The following ABCB5 variants were observed in gnomAD, a reference collection of about 807,000 sequenced individuals.
The protein encoded by ABCB5 is ATP-binding cassette sub-family B member 5.
ABCB5 carries 155 observed loss-of-function variants against 144.2 expected under a neutral mutation model. The ratio of observed to expected loss-of-function variants is 1.08; its 90% CI spans 0.94 to 1.23. ABCB5 has a LOEUF of 1.23. Ranked by LOEUF, ABCB5 falls within the 50% of genes most tolerant of loss-of-function variation. The probability of loss-of-function intolerance (pLI) is 0.00; values close to 1 mark genes in which losing one functional copy is unlikely to be tolerated. For synonymous variants in ABCB5, 610 were observed against 528.6 expected, an observed-to-expected ratio of 1.15 and a Z score of -2.11; for missense variants, 1,830 against 1,520.8, an observed-to-expected ratio of 1.20 and a Z score of -3.38.
intron 14 of ABCB5, 40 bp downstream of exon 14, chr7:20,658,716 T>C (rs1184724229): frequency 1.9e-6 from 3 of 1,601,276 alleles, no homozygotes; most frequent in African/African-American, 1.3e-5. Flanking sequence ...ATACTCCTGG[T>C]TCATTATTGT....
chr7:20,721,292 G>A (rs192831775), intron 20 of ABCB5, among the ~76,000 whole-genome samples: 116 of 152,274 alleles, frequency 7.6e-4, no homozygotes, highest in African/African-American at 2.4e-3. Context: ...GTATGGCTGT[G>A]GGCAGGTTAT....
At chr7:20,643,054 A>G (rs1392321006) in intron 5 of ABCB5, 130 bp from the exon 6 acceptor site, 8 of 731,562 alleles carry the variant, frequency 1.1e-5, no homozygotes, top group South Asian at 1.0e-4. Flanking sequence ...CTCTCATGGC[A>G]TGTTATTTTT....
chr7:20,723,608 G>A (rs1407305572), intron 21 of ABCB5, among the ~76,000 whole-genome samples: 1 of 152,184 alleles, frequency 6.6e-6, no homozygotes, highest in African/African-American at 2.4e-5. Flanking sequence ...AAAACACAAT[G>A]TTATTATACG....
intron 5 of ABCB5, 111 bp downstream of exon 5, chr7:20,632,224 T>G: frequency 1.6e-6 from 1 of 626,338 alleles, no homozygotes; most frequent in Non-Finnish European, 2.7e-6. Flanking sequence ...ACATAACAAA[T>G]GATTAAAGCA....
At chr7:20,747,300 T>TG (rs1782758377) in intron 26 of ABCB5, among the ~76,000 whole-genome samples, 1 of 152,222 alleles carries the variant, frequency 6.6e-6, no homozygotes, top group South Asian at 2.1e-4. Flanking sequence ...AGACAAGGCC[T>TG]CACTCTGTCA....
chr7:20,665,896 C>A lies in ABCB5; in HGVS notation c.1707+7220C>A, dbSNP rs4476902. Among the ~76,000 whole-genome samples, 12 of 150,796 alleles carry A rather than the reference C, an allele frequency of 8.0e-5. No homozygotes were observed. In the South Asian group the frequency reaches 1.5e-3, roughly 18 times the overall value. On this transcript the variant is annotated intron_variant, in intron 14 of 27. Coordinates refer to ENST00000404938, the MANE Select transcript of ABCB5 (RefSeq NM_001163941.2). ...AAAAAAAAAAAATGTTGGGCCGGGC[C>A]TGGTGGCTCATGCCTGTAATCCCAG...
At chr7:20,747,141 T>C (rs935223467) in intron 26 of ABCB5, among the ~76,000 whole-genome samples, 1 of 152,254 alleles carries the variant, frequency 6.6e-6, no homozygotes, top group Admixed American at 6.5e-5. Flanking sequence ...TGTCTTTTAA[T>C]GGCAACTTCC....
intron 13 of ABCB5, 133 bp from the exon 14 acceptor site, chr7:20,658,371 CAA>C: frequency 1.7e-6 from 1 of 602,904 alleles, no homozygotes; most frequent in East Asian, 3.6e-5. Flanking sequence ...AAGAACAAAT[CAA>C]AAGACATAAG....
At chr7:20,642,064 C>T (rs952311885) in intron 5 of ABCB5, 1 of 152,224 alleles carries the variant, frequency 6.6e-6, no homozygotes, top group African/African-American at 2.4e-5. Flanking sequence ...GAACTTCCTG[C>T]TTCCATTATT....
intron 19 of ABCB5, among the ~76,000 whole-genome samples, chr7:20,701,727 TACTC>T (rs1284886023): frequency 6.6e-6 from 1 of 152,234 alleles, no homozygotes; most frequent in African/African-American, 2.4e-5. Context: ...ATCATGTACA[TACTC>T]ACAAAGACTT....
At chr7:20,659,962 G>A (rs978778069) in intron 14 of ABCB5, 2 of 985,052 alleles carry the variant, frequency 2.0e-6, no homozygotes, top group African/African-American at 1.7e-5. Context: ...GGGATTACAG[G>A]TGTGCGTCTC....
intron 14 of ABCB5, among the ~76,000 whole-genome samples, chr7:20,663,628 A>C (rs1285994075): frequency 2.0e-5 from 3 of 151,942 alleles, no homozygotes; most frequent in East Asian, 3.8e-4. Context: ...TACAATTTGA[A>C]TATGAGATGA....
intron 23 of ABCB5, among the ~76,000 whole-genome samples, chr7:20,733,348 C>G (rs955110012): frequency 6.6e-6 from 1 of 152,126 alleles, no homozygotes; most frequent in Non-Finnish European, 1.5e-5. Flanking sequence ...CTGCTTAGTG[C>G]TATTTTATAG....
intron 19 of ABCB5, among the ~76,000 whole-genome samples, chr7:20,702,501 A>G (rs911965380): frequency 9.9e-5 from 15 of 152,144 alleles, no homozygotes; most frequent in African/African-American, 3.4e-4. Context: ...TTGATTAAGA[A>G]CTTAAATAAT....
At position 20,659,116 on chromosome 7, in the gene ABCB5, G is replaced by A. The variant is rs748532087; in HGVS notation, c.1707+440G>A. On this transcript the variant is annotated intron_variant, in intron 14 of 27. Coordinates refer to ENST00000404938, the MANE Select transcript of ABCB5 (RefSeq NM_001163941.2). ...CTAATTTCACCTCAAGTGGAGAATC[G>A]CTGACCTTGAACCAGCGCCCTTCGA... is the stretch of plus-strand genomic sequence containing the variant. 8 of 1,613,744 alleles carry A rather than the reference G, an allele frequency of 5.0e-6. No homozygotes were observed. In the Admixed American group the frequency reaches 5.0e-5, roughly 10 times the overall value.
chr7:20,723,790 G>C (rs905327209), intron 21 of ABCB5, among the ~76,000 whole-genome samples: 1 of 152,152 alleles, frequency 6.6e-6, no homozygotes, highest in Non-Finnish European at 1.5e-5. Flanking sequence ...AGGCAATGCA[G>C]CAGTTACTGA....
chr7:20,702,941 G>A (rs1329432478), intron 19 of ABCB5, among the ~76,000 whole-genome samples: 1 of 148,076 alleles, frequency 6.8e-6, no homozygotes, highest in Non-Finnish European at 1.5e-5. Context: ...CTCCCTAAAT[G>A]TTTTCATATA....
At chr7:20,745,527 T>C (rs895206252) in intron 26 of ABCB5, 89 bp downstream of exon 26, 7 of 1,152,028 alleles carry the variant, frequency 6.1e-6, no homozygotes, top group Admixed American at 2.1e-5. Flanking sequence ...TATGTATTCC[T>C]TGGATTATAC....
intron 27 of ABCB5, among the ~76,000 whole-genome samples, chr7:20,754,415 T>G (rs1196257958): frequency 6.6e-6 from 1 of 152,254 alleles, no homozygotes; most frequent in Admixed American, 6.5e-5. Context: ...TTACTAGCAG[T>G]ATGACCTTGG....
Sources: gnomAD v4.1 joint callset for allele counts (sites outside exome capture counted in the v4.1 genomes callset) on GRCh38, gnomAD v4.1.1 for gene constraint, MANE v1.5 for transcripts, NCBI Gene and HGNC (gene_info 2026-07-23, HGNC 2026-07-21) for gene names.